Variants in SCAI observed in about 807,000 individuals in gnomAD.
SCAI encodes the protein suppressor of cancer cell invasion.
SCAI carries 24 observed loss-of-function variants against 92.2 expected under a neutral mutation model. The observed-to-expected ratio is 0.26, with a 90% CI of 0.19 to 0.37. SCAI has a LOEUF of 0.37. SCAI is among the 10% of genes least tolerant of loss of function. The probability of loss-of-function intolerance (pLI) is 1.00; values close to 1 mark genes in which losing one functional copy is unlikely to be tolerated. For synonymous variants in SCAI, 261 were observed against 258.6 expected (o/e 1.01, Z -0.09); for missense variants, 450 against 736.2 (o/e 0.61, Z 4.50).
At chr9:124,997,951 T>C (rs1049878064) in intron 13 of SCAI, among the ~76,000 whole-genome samples, 1 of 152,002 alleles carries the variant, frequency 6.6e-6, no homozygotes, top group Non-Finnish European at 1.5e-5. Flanking sequence ...GCTTTTGTAT[T>C]TTTTGCATTT....
intron 17 of SCAI, among the ~76,000 whole-genome samples, chr9:124,963,510 G>A (rs1831482226): frequency 6.6e-6 from 1 of 151,942 alleles, no homozygotes; most frequent in African/African-American, 2.4e-5. Flanking sequence ...AGCACTTTAG[G>A]AGGCTGAGGC....
intron 2 of SCAI, among the ~76,000 whole-genome samples, chr9:125,086,470 G>C (rs1461183996): frequency 2.6e-5 from 4 of 152,178 alleles, no homozygotes; most frequent in Non-Finnish European, 4.4e-5. Flanking sequence ...ATGCTGAATA[G>C]CTGGCATTAC....
At chr9:125,006,179 C>T (rs1832503031) in intron 9 of SCAI, among the ~76,000 whole-genome samples, 2 of 152,076 alleles carry the variant, frequency 1.3e-5, no homozygotes, top group African/African-American at 4.8e-5. Context: ...AAAAGGCACG[C>T]CTGATTCAGC....
At chr9:125,117,574 G>A (rs1362530441) in intron 2 of SCAI, among the ~76,000 whole-genome samples, 1 of 146,344 alleles carries the variant, frequency 6.8e-6, no homozygotes, top group Non-Finnish European at 1.5e-5. Flanking sequence ...GGTGAGACAG[G>A]AGAAATGCTT....
intron 2 of SCAI, among the ~76,000 whole-genome samples, chr9:125,109,167 G>A (rs955290165): frequency 2.0e-5 from 3 of 152,108 alleles, no homozygotes; most frequent in East Asian, 1.9e-4. Context: ...CAGCATGCTC[G>A]TTAAGAGTCA....
intron 15 of SCAI, among the ~76,000 whole-genome samples, chr9:124,973,646 C>G (rs939892088): frequency 1.3e-5 from 2 of 152,048 alleles, no homozygotes; most frequent in African/African-American, 4.8e-5. Flanking sequence ...GCCTGGCCAA[C>G]ATTTTTAGTC....
At chr9:124,956,895 C>T (rs910465493) in intron 17 of SCAI, among the ~76,000 whole-genome samples, 13 of 150,938 alleles carry the variant, frequency 8.6e-5, no homozygotes, top group South Asian at 4.2e-4. Flanking sequence ...GGATGGATGA[C>T]ATGATCTTGT....
Position 125,052,884 on chromosome 9 carries a change from T to C in SCAI, c.230+2992A>G, listed in dbSNP as rs971061328. Among the ~76,000 whole-genome samples the C allele has an allele frequency of 9.9e-5, 15 of 152,100 alleles. No individual in the cohort carries two copies. In the East Asian group the frequency reaches 2.5e-3, roughly 25 times the overall value. On this transcript the variant is annotated intron_variant, in intron 3 of 17. Coordinates refer to ENST00000336505, the MANE Select transcript of SCAI (RefSeq NM_001144877.3). ...AAATCAAAACCACCAAGAGACACCA[T>C]TTACATCCAGTAGCATGTCTATAAT...
intron 2 of SCAI, among the ~76,000 whole-genome samples, chr9:125,096,668 G>A (rs1477487963): frequency 6.6e-6 from 1 of 152,132 alleles, no homozygotes; most frequent in Non-Finnish European, 1.5e-5. Flanking sequence ...TCAGTAAGTT[G>A]TCTTCCCATA....
chr9:125,087,480 C>A (rs1461476290), intron 2 of SCAI, among the ~76,000 whole-genome samples: 1 of 152,052 alleles, frequency 6.6e-6, no homozygotes, highest in Admixed American at 6.5e-5. Flanking sequence ...TATAACAAAG[C>A]CTGAAGATAA....
chr9:125,016,952 T>A (rs1435329310), intron 9 of SCAI, among the ~76,000 whole-genome samples: 1 of 152,104 alleles, frequency 6.6e-6, no homozygotes, highest in Non-Finnish European at 1.5e-5. Context: ...AATAAATATT[T>A]TAACAGATGT....
chr9:125,021,040 A>G (rs1261102513), intron 6 of SCAI, among the ~76,000 whole-genome samples: 1 of 152,222 alleles, frequency 6.6e-6, no homozygotes, highest in Admixed American at 6.5e-5. Context: ...AAAACTAGAG[A>G]TATTCCCTTC....
intron 2 of SCAI, among the ~76,000 whole-genome samples, chr9:125,140,280 C>A (rs1387410635): frequency 3.9e-5 from 6 of 152,130 alleles, no homozygotes; most frequent in Non-Finnish European, 7.3e-5. Flanking sequence ...GTAATCCCAG[C>A]ACTTTGGGAG....
Position 124,993,972 on chromosome 9 carries a change from T to C in SCAI, c.1326+962A>G, listed in dbSNP as rs141680839. Among the ~76,000 whole-genome samples the C allele has an allele frequency of 2.0e-3, 306 of 152,280 alleles. 1 individual carries two copies. Among genetic ancestry groups the C allele is most frequent in the African/African-American group, 7.0e-3 (293 of 41,562 alleles). ...AAGGACTCTAAAGACTGTGCTTTCG[T>C]TTTCCTGTAAATTACTATAGTTTGA... On this transcript the variant is annotated intron_variant, in intron 14 of 17. Coordinates refer to ENST00000336505, the MANE Select transcript of SCAI (RefSeq NM_001144877.3).
At chr9:125,100,506 T>C (rs1834655540) in intron 2 of SCAI, among the ~76,000 whole-genome samples, 1 of 152,188 alleles carries the variant, frequency 6.6e-6, no homozygotes, top group African/African-American at 2.4e-5. Flanking sequence ...AGCCTTTGCT[T>C]TAATCACTAT....
chr9:125,012,158 C>A (rs1282401165), intron 9 of SCAI, among the ~76,000 whole-genome samples: 1 of 152,154 alleles, frequency 6.6e-6, no homozygotes, highest in Non-Finnish European at 1.5e-5. Flanking sequence ...ATCATAATGA[C>A]AGGATCAAAT....
chr9:125,043,446 A>C (rs1220702746), intron 3 of SCAI, among the ~76,000 whole-genome samples: 2 of 152,124 alleles, frequency 1.3e-5, no homozygotes, highest in Non-Finnish European at 2.9e-5. Flanking sequence ...CCATTGGTAG[A>C]CCCAGTGGTT....
chr9:125,023,909 C>A (rs1416142501), intron 6 of SCAI, among the ~76,000 whole-genome samples: 1 of 152,022 alleles, frequency 6.6e-6, no homozygotes, highest in Non-Finnish European at 1.5e-5. Context: ...ATAACCTGAA[C>A]CACAACCCCT....
chr9:125,075,729 C>A (rs1335670369), intron 2 of SCAI, among the ~76,000 whole-genome samples: 1 of 152,212 alleles, frequency 6.6e-6, no homozygotes, highest in East Asian at 1.9e-4. Flanking sequence ...CCATGCCCGG[C>A]TAGTTTTGTA....
Sources: gnomAD v4.1 joint callset for allele counts (sites outside exome capture counted in the v4.1 genomes callset) on GRCh38, gnomAD v4.1.1 for gene constraint, MANE v1.5 for transcripts, NCBI Gene and HGNC (gene_info 2026-07-23, HGNC 2026-07-21) for gene names.